The following SLC13A3 variants were observed in gnomAD, a reference collection of about 807,000 sequenced individuals.
SLC13A3 encodes the protein solute carrier family 13 member 3.
SLC13A3 carries 40 observed loss-of-function variants against 59.0 expected under a neutral mutation model. That is an observed-to-expected ratio of 0.68 (90% CI 0.53 to 0.88). The LOEUF (loss-of-function observed/expected upper bound fraction) is 0.88, where lower values mean the gene tolerates loss of function less well. Among genes scored for constraint, SLC13A3 ranks in the 40% least tolerant of loss-of-function variants. The pLI, the probability that SLC13A3 is intolerant of heterozygous loss-of-function variation, is 0.00. For synonymous variants in SLC13A3, 317 were observed against 330.3 expected, an observed-to-expected ratio of 0.96 and a Z score of 0.44; for missense variants, 699 against 783.2, an observed-to-expected ratio of 0.89 and a Z score of 1.28.
In SLC13A3 at chr20:46,560,049, C is replaced by T; in HGVS notation, c.1782G>A (p.Leu594=). The T allele has an allele frequency of 1.9e-6, 3 of 1,614,140 alleles. No individual in the cohort carries two copies. Among genetic ancestry groups the T allele is most frequent in the Non-Finnish European group, 2.5e-6 (3 of 1,180,026 alleles). Residue 594 remains leucine (L), a synonymous_variant, in exon 13 of 13, where the codon TTG becomes TTA. Transcript: ENST00000279027. The part of the protein sequence containing the change: ...SVNVTALPPT[L]ANDTFRTL The stretch of plus-strand genomic sequence containing the variant: ...AGAGGGTCCGAAATGTGTCATTGGC[C>T]AAGGTGGGTGGCAATGCTGTGACAT...
At chr20:46,601,175 G>A (rs751141524) in intron 3 of SLC13A3, among the ~76,000 whole-genome samples, 2 of 152,152 alleles carry the variant, frequency 1.3e-5, no homozygotes, top group African/African-American at 4.8e-5. Context: ...CAGGGAAGGG[G>A]ACCCCCTGCA....
At chr20:46,583,282 G>GT (rs1206038559) in intron 9 of SLC13A3, 6 of 757,674 alleles carry the variant, frequency 7.9e-6, no homozygotes, top group African/African-American at 7.5e-5. Context: ...TTTTTCTTTT[G>GT]GTTTTTTTTT....
intron 11 of SLC13A3, among the ~76,000 whole-genome samples, chr20:46,564,147 A>C (rs1450464070): frequency 6.6e-6 from 1 of 152,110 alleles, no homozygotes; most frequent in Admixed American, 6.5e-5. Flanking sequence ...AACAATCTCA[A>C]CCCAGAGTTG....
intron 1 of SLC13A3, among the ~76,000 whole-genome samples, chr20:46,639,033 A>T (rs1325055825): frequency 6.6e-6 from 1 of 152,188 alleles, no homozygotes; most frequent in African/African-American, 2.4e-5. Flanking sequence ...AAGGTAGCCA[A>T]TGTTTTTTTA....
chr20:46,629,055 T>C (rs2062709058), intron 1 of SLC13A3, among the ~76,000 whole-genome samples: 1 of 152,234 alleles, frequency 6.6e-6, no homozygotes, highest in South Asian at 2.1e-4. Context: ...TTTTGAAGTG[T>C]GTGATTGACA....
At chr20:46,583,361 T>C in intron 9 of SLC13A3, 1 of 1,272,224 alleles carries the variant, frequency 7.9e-7, no homozygotes. Context: ...CAGGCTGGAT[T>C]TGGTCTGAAG....
At chr20:46,580,257 C>T (rs2062122424) in intron 9 of SLC13A3, among the ~76,000 whole-genome samples, 1 of 151,940 alleles carries the variant, frequency 6.6e-6, no homozygotes, top group Non-Finnish European at 1.5e-5. Flanking sequence ...CGCCCAGCCT[C>T]TCACCACTTC....
At chr20:46,579,339 C>T (rs1228497123) in intron 9 of SLC13A3, among the ~76,000 whole-genome samples, 1 of 152,092 alleles carries the variant, frequency 6.6e-6, no homozygotes, top group East Asian at 1.9e-4. Context: ...GGCCCAGGCT[C>T]TTCTTGAACT....
intron 9 of SLC13A3, among the ~76,000 whole-genome samples, chr20:46,579,596 T>C (rs959109600): frequency 6.6e-6 from 1 of 152,238 alleles, no homozygotes; most frequent in Non-Finnish European, 1.5e-5. Flanking sequence ...GCAGTGCTCA[T>C]GGAGTTCCCT....
upstream of SLC13A3, among the ~76,000 whole-genome samples, chr20:46,653,398 T>C (rs896911509): frequency 1.3e-5 from 2 of 152,238 alleles, no homozygotes; most frequent in African/African-American, 2.4e-5. Flanking sequence ...TCATGGGTTC[T>C]TAGTTTCTGT....
At chr20:46,606,907 G>A (rs1411446301) in intron 3 of SLC13A3, among the ~76,000 whole-genome samples, 1 of 152,234 alleles carries the variant, frequency 6.6e-6, no homozygotes, top group Non-Finnish European at 1.5e-5. Flanking sequence ...GGGTCCCCCA[G>A]GAAGTGCAGG....
intron 1 of SLC13A3, among the ~76,000 whole-genome samples, chr20:46,634,264 C>A (rs1381157824): frequency 6.6e-6 from 1 of 152,158 alleles, no homozygotes; most frequent in Non-Finnish European, 1.5e-5. Context: ...TGAGGGTGAG[C>A]AGAACTGATT....
At chr20:46,663,181 C>T (rs947512624) in intron 1 of SLC13A3, among the ~76,000 whole-genome samples, 1 of 151,956 alleles carries the variant, frequency 6.6e-6, no homozygotes, top group Non-Finnish European at 1.5e-5. Context: ...CAGTGGCTCA[C>T]ACCTGTAATT....
upstream of SLC13A3, among the ~76,000 whole-genome samples, chr20:46,654,806 T>C (rs1359476998): frequency 6.6e-6 from 1 of 152,194 alleles, no homozygotes; most frequent in Non-Finnish European, 1.5e-5. Flanking sequence ...GTTGGGATTA[T>C]AGGCATGAGC....
intron 3 of SLC13A3, 52 bp downstream of exon 3, chr20:46,610,394 C>G: frequency 1.3e-6 from 2 of 1,554,618 alleles, no homozygotes; most frequent in Admixed American, 1.9e-5. Flanking sequence ...ACATCCCATT[C>G]CCACTTCCAA....
intron 10 of SLC13A3, among the ~76,000 whole-genome samples, chr20:46,573,162 T>C (rs1469523383): frequency 5.9e-5 from 9 of 152,224 alleles, no homozygotes; most frequent in Non-Finnish European, 1.2e-4. Flanking sequence ...AAGTAAAACA[T>C]ATTTTATTTA....
In SLC13A3 at chr20:46,613,462, G is replaced by A; in HGVS notation, c.375C>T (p.Ala125=). The change falls in exon 2 of 13, where the codon GCC becomes GCT. Residue 125 remains alanine (A), a splice_region_variant and synonymous_variant. Transcript: ENST00000279027. ...KILMLVGVQP[A]RLILGMMVTT... Reference sequence around the variant, plus strand: ...CTGGAACCATTACCTGTTCTTACCTGGCCGGCTGGACTCCAACAAGCATCA... The same window carrying A: ...CTGGAACCATTACCTGTTCTTACCTAGCCGGCTGGACTCCAACAAGCATCA... 1 of 1,585,108 alleles carries A rather than the reference G, an allele frequency of 6.3e-7. No homozygotes were observed. The highest frequency in any genetic ancestry group is 8.6e-7 in the Non-Finnish European group (1 of 1,163,778).
chr20:46,657,171 C>T (rs571572369), intron 1 of SLC13A3, among the ~76,000 whole-genome samples: 13 of 151,880 alleles, frequency 8.6e-5, no homozygotes, highest in Non-Finnish European at 1.6e-4. Context: ...TATCATGATC[C>T]GGGACATCAT....
At chr20:46,598,249 A>G (rs966423973) in intron 4 of SLC13A3, among the ~76,000 whole-genome samples, 2 of 152,208 alleles carry the variant, frequency 1.3e-5, no homozygotes, top group Admixed American at 6.5e-5. Flanking sequence ...GATTTCCAGT[A>G]TGACAGGAAG....
Sources: allele counts gnomAD v4.1 joint callset (sites outside exome capture counted in the v4.1 genomes callset), GRCh38; gene constraint gnomAD v4.1.1; transcripts MANE v1.5; gene names NCBI Gene and HGNC (gene_info 2026-07-23, HGNC 2026-07-21).